ZNF131: variants seen among roughly 807,000 people sequenced by gnomAD.
The protein encoded by ZNF131 is zinc finger and BTB domain containing 35.
Under a neutral mutation model 60.0 loss-of-function variants are expected in ZNF131, and 7 were observed. The observed-to-expected ratio is 0.12, with a 90% CI of 0.07 to 0.22. The LOEUF (loss-of-function observed/expected upper bound fraction) is 0.22. Among genes scored for constraint, ZNF131 ranks in the 10% least tolerant of loss-of-function variants. The probability of loss-of-function intolerance (pLI) is 1.00; values close to 1 mark genes in which losing one functional copy is unlikely to be tolerated. For synonymous variants in ZNF131, 257 were observed against 253.2 expected, an observed-to-expected ratio of 1.01 and a Z score of -0.14; for missense variants, 493 against 740.9, an observed-to-expected ratio of 0.67 and a Z score of 3.88.
intron 3 of ZNF131, among the ~76,000 whole-genome samples, chr5:43,125,582 A>C (rs1418677859): frequency 6.6e-6 from 1 of 151,846 alleles, no homozygotes; most frequent in Non-Finnish European, 1.5e-5. Flanking sequence ...AGAGGTCGAG[A>C]CCAGCCTGAC....
At chr5:43,143,696 TCCAC>T (rs1471043238) in intron 4 of ZNF131, among the ~76,000 whole-genome samples, 2 of 152,096 alleles carry the variant, frequency 1.3e-5, no homozygotes, top group Non-Finnish European at 1.5e-5. Flanking sequence ...CCAGTAAGTC[TCCAC>T]ATTTTTGTTG....
chr5:43,168,883 A>G (rs1166987384), intron 5 of ZNF131, among the ~76,000 whole-genome samples: 3 of 152,216 alleles, frequency 2.0e-5, no homozygotes, highest in African/African-American at 7.2e-5. Context: ...GGTGACTCCC[A>G]GCTTTCTGAT....
Position 43,134,546 on chromosome 5 carries a change from A to G in ZNF131, c.227-4619A>G, listed in dbSNP as rs753989909. Reference sequence around the variant, plus strand: ...AAGAAGTAAATGCCATCCAAGTAAGAAAGGAAGGAATCAATCTCTTTTTGC... The same window carrying G: ...AAGAAGTAAATGCCATCCAAGTAAGGAAGGAAGGAATCAATCTCTTTTTGC... On this transcript the variant is annotated intron_variant, in intron 3 of 6. Coordinates refer to ENST00000682664, the MANE Select transcript of ZNF131 (RefSeq NM_001330707.2). 5.8e-4 allele frequency among the ~76,000 whole-genome samples: 88 copies of G among 152,304 alleles called. 1 individual carries two copies. The highest frequency in any genetic ancestry group is 3.4e-3 in the Middle Eastern group (1 of 294).
At chr5:43,143,318 G>A in intron 4 of ZNF131, 1 of 1,223,946 alleles carries the variant, frequency 8.2e-7, no homozygotes, top group African/African-American at 1.6e-5. Flanking sequence ...ACTGCGCCCG[G>A]CCTCAAGCTT....
intron 3 of ZNF131, among the ~76,000 whole-genome samples, chr5:43,136,876 G>A (rs1367480531): frequency 6.6e-6 from 1 of 151,776 alleles, no homozygotes; most frequent in Non-Finnish European, 1.5e-5. Context: ...ACAGACCAAA[G>A]GAGCAGAATA....
At chr5:43,144,754 T>G (rs1265335824) in intron 4 of ZNF131, among the ~76,000 whole-genome samples, 3 of 152,126 alleles carry the variant, frequency 2.0e-5, no homozygotes, top group Non-Finnish European at 4.4e-5. Context: ...TGTCTTAGAT[T>G]TATGTTTTAA....
At chr5:43,128,723 T>C (rs1744908124) in intron 3 of ZNF131, among the ~76,000 whole-genome samples, 1 of 151,310 alleles carries the variant, frequency 6.6e-6, no homozygotes, top group Non-Finnish European at 1.5e-5. Flanking sequence ...CCCAGATATT[T>C]ATCCCAGTTT....
intron 4 of ZNF131, among the ~76,000 whole-genome samples, chr5:43,140,836 G>C (rs2112266753): frequency 6.6e-6 from 1 of 152,228 alleles, no homozygotes; most frequent in African/African-American, 2.4e-5. Context: ...CCCTGTCTCA[G>C]CCTCCTGAGT....
At chr5:43,171,159 G>C (rs781630638) in intron 5 of ZNF131, among the ~76,000 whole-genome samples, 6 of 151,766 alleles carry the variant, frequency 4.0e-5, no homozygotes, top group Non-Finnish European at 5.9e-5. Context: ...TGTTGGTCAG[G>C]CTGGTCTCCA....
intron 1 of ZNF131, 33 bp from the exon 2 acceptor site, chr5:43,122,006 A>C (rs1055892746): frequency 6.2e-7 from 1 of 1,601,358 alleles, no homozygotes; most frequent in Admixed American, 1.8e-5. Flanking sequence ...GCTCGAGCTC[A>C]TGGGTGTACA....
At chr5:43,132,492 C>A (rs1398918949) in intron 3 of ZNF131, among the ~76,000 whole-genome samples, 2 of 148,850 alleles carry the variant, frequency 1.3e-5, no homozygotes, top group African/African-American at 2.5e-5. Context: ...GTTCTAACTT[C>A]CTGAATGGTA....
At position 43,160,170 on chromosome 5, in the gene ZNF131, C is replaced by T. The variant is rs1233050170; in HGVS notation, c.372-1079C>T. On this transcript the variant is annotated intron_variant, in intron 4 of 6. Transcript: ENST00000682664. ...CAGCCTGGGTGACAGAGCGAGACTC[C>T]ATCTCAAAAAAACAAAACAAAAAAA... Among the ~76,000 whole-genome samples the T allele has an allele frequency of 2.8e-5, 4 of 143,610 alleles. No homozygotes were observed. In the East Asian group the frequency reaches 8.1e-4, roughly 29 times the overall value. 94.2% of individuals were successfully genotyped at this position (143,610 alleles called of 152,430 possible). A position where few individuals can be genotyped will look rare whatever the true frequency, so the allele number is the denominator to read the frequency against.
At chr5:43,158,271 T>C (rs1414967583) in intron 4 of ZNF131, among the ~76,000 whole-genome samples, 2 of 148,694 alleles carry the variant, frequency 1.3e-5, no homozygotes, top group East Asian at 4.0e-4. Flanking sequence ...CCCGATGTTG[T>C]TTTTTCTGTT....
chr5:43,173,076 T>C, intron 5 of ZNF131: 1 of 305,804 alleles, frequency 3.3e-6, no homozygotes. Context: ...GAACAGAATT[T>C]AGATGCAAAT....
rs139868200 is a variant in ZNF131, at chr5:43,161,179, T to C, written c.372-70T>C. 93 of 1,351,158 alleles carry C rather than the reference T, an allele frequency of 6.9e-5. No homozygotes were observed. In the African/African-American group the frequency reaches 1.2e-3, roughly 17 times the overall value. The allele number at this position is 1,351,158 out of a possible 1,614,324, so 83.7% of individuals were successfully genotyped here. On this transcript the variant is annotated intron_variant, in intron 4 of 6. Coordinates refer to ENST00000682664, the MANE Select transcript of ZNF131 (RefSeq NM_001330707.2). Reference sequence around the variant, plus strand: ...TTATATAAATTTTATTGCCACTTTATCAGTTTCTTCAAAAAAGCCTGGTAG... The same window carrying C: ...TTATATAAATTTTATTGCCACTTTACCAGTTTCTTCAAAAAAGCCTGGTAG...
intron 4 of ZNF131, among the ~76,000 whole-genome samples, chr5:43,159,480 G>C (rs1167312169): frequency 6.6e-6 from 1 of 151,852 alleles, no homozygotes; most frequent in South Asian, 2.1e-4. Context: ...GATCACCTGA[G>C]GTCAGTAGTT....
intron 5 of ZNF131, among the ~76,000 whole-genome samples, chr5:43,167,308 G>C (rs967567964): frequency 6.6e-6 from 1 of 152,136 alleles, no homozygotes; most frequent in Non-Finnish European, 1.5e-5. Flanking sequence ...AAATGGCAGC[G>C]ATAAACTTGC....
At chr5:43,128,676 A>AAAAC (rs1744897141) in intron 3 of ZNF131, among the ~76,000 whole-genome samples, 2 of 150,838 alleles carry the variant, frequency 1.3e-5, no homozygotes, top group African/African-American at 4.8e-5. Context: ...AAAAAAAAAA[A>AAAAC]ACACACCTGG....
At chr5:43,159,203 T>C (rs1749331752) in intron 4 of ZNF131, among the ~76,000 whole-genome samples, 1 of 152,058 alleles carries the variant, frequency 6.6e-6, no homozygotes, top group African/African-American at 2.4e-5. Context: ...TTTTCCAGAG[T>C]GGGGGCATTC....
Sources: gnomAD v4.1 joint callset for allele counts (sites outside exome capture counted in the v4.1 genomes callset) on GRCh38, gnomAD v4.1.1 for gene constraint, MANE v1.5 for transcripts, NCBI Gene and HGNC (gene_info 2026-07-23, HGNC 2026-07-21) for gene names.